Variants in ADGRV1 observed in about 807,000 individuals in gnomAD.
The protein encoded by ADGRV1 is G-protein coupled receptor 98.
ADGRV1 carries 359 observed loss-of-function variants against 596.2 expected under a neutral mutation model. The observed-to-expected ratio is 0.60, with a 90% confidence interval of 0.55 to 0.66. ADGRV1 has a LOEUF of 0.66. Among genes scored for constraint, ADGRV1 ranks in the 30% least tolerant of loss-of-function variants. The pLI is 0.00. For synonymous variants in ADGRV1, 2,681 were observed against 2,679.2 expected (o/e 1.00, Z -0.02); for missense variants, 7,274 against 7,575.6 (o/e 0.96, Z 1.48).
intron 84 of ADGRV1, among the ~76,000 whole-genome samples, chr5:90,968,702 C>A (rs541534657): frequency 2.1e-5 from 3 of 143,762 alleles, no homozygotes; most frequent in African/African-American, 7.5e-5. Context: ...ACAGTGACTG[C>A]TGAAATCTTT....
At chr5:90,662,827 G>T (rs1770595708) in intron 21 of ADGRV1, among the ~76,000 whole-genome samples, 1 of 151,436 alleles carries the variant, frequency 6.6e-6, no homozygotes, top group Non-Finnish European at 1.5e-5. Context: ...TGATCTCATT[G>T]TTCAGTTCCC....
At chr5:90,779,162 T>C in intron 64 of ADGRV1, 65 bp downstream of exon 64, 5 of 943,406 alleles carry the variant, frequency 5.3e-6, no homozygotes, top group Non-Finnish European at 6.6e-6. Flanking sequence ...AAAGTTCTAT[T>C]GTGTAGAGAT....
chr5:90,748,289 G>A, intron 52 of ADGRV1, among the ~76,000 whole-genome samples: 1 of 152,272 alleles, frequency 6.6e-6, no homozygotes, highest in African/African-American at 2.4e-5. Context: ...GCCCAATAGG[G>A]ATATAATGTG....
chr5:91,013,721 A>G (rs1285649634), intron 85 of ADGRV1, among the ~76,000 whole-genome samples: 1 of 151,896 alleles, frequency 6.6e-6, no homozygotes, highest in East Asian at 1.9e-4. Flanking sequence ...ATTAGATCAC[A>G]TTTGTCAATT....
intron 79 of ADGRV1, 75 bp from the exon 80 acceptor site, chr5:90,853,209 A>T (rs1159916541): frequency 7.2e-7 from 1 of 1,385,168 alleles, no homozygotes. Context: ...AGTGTAATGC[A>T]CTTTAACAAA....
At chr5:90,876,174 CT>C (rs1769201478) in intron 83 of ADGRV1, among the ~76,000 whole-genome samples, 1 of 152,032 alleles carries the variant, frequency 6.6e-6, no homozygotes. Context: ...ATTACAATGC[CT>C]GGTATTTTGT....
chr5:90,630,015 T>G (rs1765292165), intron 9 of ADGRV1: 1 of 152,576 alleles, frequency 6.6e-6, no homozygotes, highest in Non-Finnish European at 1.5e-5. Context: ...TCTTTTTTTT[T>G]GAGACAGGGT....
At chr5:90,993,800 G>T (rs11744033) in intron 85 of ADGRV1, among the ~76,000 whole-genome samples, 33,531 of 151,786 alleles carry the variant, frequency 0.22, 4,110 homozygotes, top group Non-Finnish European at 0.28. Flanking sequence ...GGAGTTTTCA[G>T]CCATTGTTTT....
intron 29 of ADGRV1, among the ~76,000 whole-genome samples, chr5:90,688,618 G>T (rs1187278379): frequency 1.3e-5 from 2 of 152,190 alleles, no homozygotes; most frequent in African/African-American, 2.4e-5. Context: ...GCCTCCCAAA[G>T]TGCTGGTAGA....
intron 17 of ADGRV1, among the ~76,000 whole-genome samples, chr5:90,649,324 A>C (rs1308360990): frequency 1.3e-5 from 2 of 152,052 alleles, no homozygotes; most frequent in African/African-American, 2.4e-5. Flanking sequence ...TTACTCTAGA[A>C]ATAAGTTCTT....
At chr5:90,583,724 T>C (rs1758373849) in intron 1 of ADGRV1, among the ~76,000 whole-genome samples, 1 of 152,226 alleles carries the variant, frequency 6.6e-6, no homozygotes, top group Non-Finnish European at 1.5e-5. Context: ...GTATGTAATA[T>C]GACCATTCTT....
In ADGRV1 at chr5:91,136,338, C is replaced by A. The variant is rs1442516535; in HGVS notation, c.18433-13692C>A. 2.0e-5 allele frequency among the ~76,000 whole-genome samples: 3 copies of A among 151,976 alleles called. No individual in the cohort carries two copies. In the East Asian group the frequency reaches 5.8e-4, roughly 29 times the overall value. ...AAGGTGGTCAAGAATTGTATTTAGA[C>A]CTACACTTAAGGCAGAACAGCACCT... On this transcript the variant is annotated intron_variant, in intron 87 of 89. Coordinates refer to ENST00000405460, the MANE Select transcript of ADGRV1 (RefSeq NM_032119.4).
At chr5:90,945,828 T>C (rs1050362657) in intron 83 of ADGRV1, among the ~76,000 whole-genome samples, 2 of 151,748 alleles carry the variant, frequency 1.3e-5, no homozygotes, top group African/African-American at 4.8e-5. Context: ...AATACAAAAA[T>C]TTGGTGGGAC....
intron 82 of ADGRV1, among the ~76,000 whole-genome samples, chr5:90,858,442 T>C (rs763992282): frequency 6.6e-6 from 1 of 152,200 alleles, no homozygotes; most frequent in Non-Finnish European, 1.5e-5. Flanking sequence ...TGCATTGAGT[T>C]TGACTCTGAA....
rs1472239682 is a variant in ADGRV1, at chr5:90,788,311, G to A, written c.13893+1G>A. The A allele has an allele frequency of 1.2e-5, 20 of 1,600,736 alleles. No individual in the cohort carries two copies. The highest frequency in any genetic ancestry group is 1.5e-5 in the Non-Finnish European group (18 of 1,172,056). On this transcript the variant is annotated splice_donor_variant, in intron 68 of 89. Coordinates refer to ENST00000405460, the MANE Select transcript of ADGRV1 (RefSeq NM_032119.4). LOFTEE classifies it high-confidence loss of function. ...CAGAGCTAAAGATGTTACATTAACCGTATGTATGGCTTTATTTTTCTCACA... is the reference window on the plus strand; with the variant it reads ...CAGAGCTAAAGATGTTACATTAACCATATGTATGGCTTTATTTTTCTCACA...
chr5:91,095,815 T>A (rs1790808687), intron 86 of ADGRV1, among the ~76,000 whole-genome samples: 1 of 151,932 alleles, frequency 6.6e-6, no homozygotes, highest in Non-Finnish European at 1.5e-5. Context: ...ATAGTTTCAC[T>A]CTTGTTGCCC....
chr5:90,808,934 C>A (rs569589199), intron 73 of ADGRV1, among the ~76,000 whole-genome samples: 1 of 144,676 alleles, frequency 6.9e-6, no homozygotes, highest in Admixed American at 7.6e-5. Context: ...AGGGCTTACC[C>A]TAGGCCAGGC....
At chr5:90,893,111 G>A (rs998865618) in intron 83 of ADGRV1, among the ~76,000 whole-genome samples, 1 of 152,072 alleles carries the variant, frequency 6.6e-6, no homozygotes, top group African/African-American at 2.4e-5. Context: ...CTGTTCATGA[G>A]GTTGCTCTCA....
At chr5:90,753,873 A>G (rs1052671828) in intron 54 of ADGRV1, 44 bp downstream of exon 54, 4 of 1,487,210 alleles carry the variant, frequency 2.7e-6, no homozygotes, top group East Asian at 5.0e-5. Context: ...GAGAAGCTTC[A>G]TTGGATAATT....
Sources: allele counts gnomAD v4.1 joint callset (sites outside exome capture counted in the v4.1 genomes callset), GRCh38; gene constraint gnomAD v4.1.1; transcripts MANE v1.5; gene names NCBI Gene and HGNC (gene_info 2026-07-23, HGNC 2026-07-21).